The following HOMER1 variants were observed in gnomAD, a reference collection of about 807,000 sequenced individuals.
HOMER1 encodes the protein homer protein homolog 1.
A neutral mutation model predicts 48.9 loss-of-function variants in HOMER1; 3 were observed. That is an observed-to-expected ratio of 0.06 (90% CI 0.03 to 0.16). The LOEUF is 0.16. HOMER1 is among the 10% of genes least tolerant of loss of function. The pLI is 1.00. For synonymous variants in HOMER1, 134 were observed against 146.4 expected (o/e 0.92, Z 0.61); for missense variants, 247 against 411.4 (o/e 0.60, Z 3.46).
At chr5:79,469,181 G>A (rs1383935878) in intron 1 of HOMER1, among the ~76,000 whole-genome samples, 3 of 152,136 alleles carry the variant, frequency 2.0e-5, no homozygotes, top group Admixed American at 6.5e-5. Flanking sequence ...GTGAGCTGGT[G>A]GAGGTAATGG....
At chr5:79,415,506 A>G (rs1335908721) in intron 5 of HOMER1, among the ~76,000 whole-genome samples, 1 of 152,190 alleles carries the variant, frequency 6.6e-6, no homozygotes, top group Non-Finnish European at 1.5e-5. Context: ...TAAGCCATTT[A>G]TTTTACATAT....
chr5:79,401,917 T>C lies in HOMER1; in HGVS notation c.666A>G (p.Ala222=). 1 of 1,613,952 alleles carries C rather than the reference T, an allele frequency of 6.2e-7. No homozygotes were observed. The highest frequency in any genetic ancestry group is 8.5e-7 in the Non-Finnish European group (1 of 1,179,846). The change falls in exon 6 of 9, where the codon GCA becomes GCG. Residue 222 remains alanine, a synonymous_variant. Transcript: ENST00000334082. The stretch of plus-strand genomic sequence containing the variant: ...AAATTACCCGCTTGTGCAGACGTTC[T>C]GCTTCCTCTTGATAGGCAGCAAGTT... ...KQQLAAYQEE[A]ERLHKRVTEL... is the part of the protein sequence containing the mutation.
At chr5:79,455,436 C>G (rs185395630) in intron 2 of HOMER1, among the ~76,000 whole-genome samples, 1 of 152,148 alleles carries the variant, frequency 6.6e-6, no homozygotes, top group Non-Finnish European at 1.5e-5. Context: ...TGGTTTTATA[C>G]GCATCTGGCA....
chr5:79,494,535 C>G (rs1752370279), intron 1 of HOMER1, among the ~76,000 whole-genome samples: 1 of 152,216 alleles, frequency 6.6e-6, no homozygotes, highest in South Asian at 2.1e-4. Context: ...AGCCATTACT[C>G]TTGACTAAAT....
intron 5 of HOMER1, among the ~76,000 whole-genome samples, chr5:79,424,665 A>T (rs1750193177): frequency 6.6e-6 from 1 of 152,070 alleles, no homozygotes; most frequent in African/African-American, 2.4e-5. Flanking sequence ...AACCAAATTG[A>T]TCAAAATATT....
Position 79,377,840 on chromosome 5 carries a change from C to T in HOMER1, c.877-1643G>A, listed in dbSNP as rs531627911. 2.6e-5 allele frequency among the ~76,000 whole-genome samples: 4 copies of T among 152,116 alleles called. No individual in the cohort carries two copies. The South Asian group carries it at 8.3e-4, about 32-fold the overall frequency. On this transcript the variant is annotated intron_variant, in intron 8 of 8. Transcript: ENST00000334082. ...ATAGTTCTGGTGTTGAAATTACAGACACTTTTTTCCAAAAATTTATTCTTC... is the reference window on the plus strand; with the variant it reads ...ATAGTTCTGGTGTTGAAATTACAGATACTTTTTTCCAAAAATTTATTCTTC...
At position 79,511,982 on chromosome 5, in the gene HOMER1, G is replaced by T. The variant is rs183446643; in HGVS notation, c.5+788C>A. On this transcript the variant is annotated intron_variant, in intron 1 of 8. Coordinates refer to ENST00000334082, the MANE Select transcript of HOMER1 (RefSeq NM_004272.5). Reference sequence around the variant, plus strand: ...TCCATTAATATATTATGGGTTTCCAGCTTAAATTAGGAAGTGTCACTAGCA... The same window carrying T: ...TCCATTAATATATTATGGGTTTCCATCTTAAATTAGGAAGTGTCACTAGCA... Among the ~76,000 whole-genome samples, 110 of 152,300 alleles carry T rather than the reference G, an allele frequency of 7.2e-4. 2 individuals carry two copies. The highest frequency in any genetic ancestry group is 4.1e-4 in the Non-Finnish European group (28 of 68,020).
intron 1 of HOMER1, among the ~76,000 whole-genome samples, chr5:79,503,532 GAGAAAAA>G (rs1214653493): frequency 2.1e-5 from 2 of 94,026 alleles, no homozygotes; most frequent in African/African-American, 3.7e-5. Flanking sequence ...CTGTCACAAA[GAGAAAAA>G]AAAAAAAAAA....
chr5:79,482,539 A>C (rs1751976350), intron 1 of HOMER1, among the ~76,000 whole-genome samples: 3 of 152,176 alleles, frequency 2.0e-5, no homozygotes, highest in Admixed American at 2.0e-4. Flanking sequence ...ATTACAGAAA[A>C]AAAAGGAAAC....
chr5:79,436,139 A>T (rs1170843874), intron 5 of HOMER1, among the ~76,000 whole-genome samples: 4 of 150,208 alleles, frequency 2.7e-5, no homozygotes, highest in Admixed American at 2.0e-4. Context: ...TCTCAAAAAA[A>T]ATAAATAAAT....
At chr5:79,498,590 A>G (rs763458443) in intron 1 of HOMER1, among the ~76,000 whole-genome samples, 3 of 152,138 alleles carry the variant, frequency 2.0e-5, no homozygotes, top group Non-Finnish European at 2.9e-5. Context: ...TCACTTTCCT[A>G]CAGTCCCCAC....
intron 3 of HOMER1, among the ~76,000 whole-genome samples, chr5:79,447,859 A>G (rs1203334747): frequency 6.6e-6 from 1 of 152,204 alleles, no homozygotes; most frequent in African/African-American, 2.4e-5. Context: ...AAGCTAGTCT[A>G]TCACTATTAT....
At chr5:79,464,341 G>A (rs921394905) in intron 1 of HOMER1, among the ~76,000 whole-genome samples, 19 of 152,134 alleles carry the variant, frequency 1.2e-4, no homozygotes, top group African/African-American at 4.1e-4. Context: ...AAACAGGAAA[G>A]TAAGACAAAA....
In HOMER1 at chr5:79,375,890, A is replaced by C; in HGVS notation, c.*119T>G. On this transcript the variant is annotated 3_prime_UTR_variant, in exon 9 of 9. Coordinates refer to ENST00000334082, the MANE Select transcript of HOMER1 (RefSeq NM_004272.5). Reference sequence around the variant, plus strand: ...CAATTTCAAAAGATCCTCCTCCTGGAGGAGTGATATTCAATTTTTTTTTTT... The same window carrying C: ...CAATTTCAAAAGATCCTCCTCCTGGCGGAGTGATATTCAATTTTTTTTTTT... 1.9e-6 allele frequency: 1 copy of C among 516,920 alleles called. No individual in the cohort carries two copies. Among genetic ancestry groups the C allele is most frequent in the Non-Finnish European group, 3.2e-6 (1 of 316,558 alleles). The allele number at this position is 516,920 out of a possible 1,614,324, so 32.0% of individuals were successfully genotyped here. A position where few individuals can be genotyped will look rare whatever the true frequency, so the allele number is the denominator to read the frequency against.
At chr5:79,507,225 AAAAAAAAAAACCAAAAC>A (rs1752801886) in intron 1 of HOMER1, among the ~76,000 whole-genome samples, 2 of 151,206 alleles carry the variant, frequency 1.3e-5, no homozygotes, top group Admixed American at 6.6e-5. Context: ...AAAAAAAAAA[AAAAAAAAAAACCAAAAC>A]AAAAAAAAAA....
intron 5 of HOMER1, among the ~76,000 whole-genome samples, chr5:79,420,033 T>C (rs889692373): frequency 6.6e-6 from 1 of 152,228 alleles, no homozygotes; most frequent in Admixed American, 6.5e-5. Flanking sequence ...TTCTAATTTA[T>C]TTAGACATGT....
rs1269305947 is a variant in HOMER1, at chr5:79,439,017, A to G, written c.520T>C (p.Ser174Pro). The change falls in exon 5 of 9, where the codon TCA (serine) becomes CCA (proline). Residue 174 changes from serine (S) to proline (P), a missense_variant. Ser to Pro is a moderately conservative substitution (Grantham distance 74). Transcript: ENST00000334082. ...AEPTQNALPF[S>P]HSSAISKHWE... ...GCTGAATTGAATCTGTACCTATGTG[A>G]AAATGGCAATGCATTCTGAGTTGGT... 6 of 1,613,510 alleles carry G rather than the reference A, an allele frequency of 3.7e-6. No homozygotes were observed. Among genetic ancestry groups the G allele is most frequent in the Non-Finnish European group, 1.7e-6 (2 of 1,179,500 alleles).
intron 5 of HOMER1, among the ~76,000 whole-genome samples, chr5:79,410,226 T>C (rs2112232400): frequency 6.6e-6 from 1 of 152,218 alleles, no homozygotes; most frequent in East Asian, 1.9e-4. Flanking sequence ...GCATGGTAGC[T>C]CATGCCTGTA....
chr5:79,430,656 G>A (rs908679403), intron 5 of HOMER1, among the ~76,000 whole-genome samples: 1 of 152,126 alleles, frequency 6.6e-6, no homozygotes, highest in East Asian at 1.9e-4. Context: ...ATAAAACATG[G>A]TGCCGGGCGT....
Sources: allele counts gnomAD v4.1 joint callset (sites outside exome capture counted in the v4.1 genomes callset), GRCh38; gene constraint gnomAD v4.1.1; transcripts MANE v1.5; gene names NCBI Gene and HGNC (gene_info 2026-07-23, HGNC 2026-07-21).